The following C1orf185 variants were observed in gnomAD, a reference collection of about 807,000 sequenced individuals.
The protein encoded by C1orf185 is chromosome 1 open reading frame 185, also known as uncharacterized protein C1orf185.
In C1orf185, 13 loss-of-function variants were observed where a neutral mutation model predicts 16.1. That is an observed-to-expected ratio of 0.81 (90% confidence interval 0.53 to 1.28). The LOEUF (loss-of-function observed/expected upper bound fraction) is 1.28, where lower values mean the gene tolerates loss of function less well. Ranked by LOEUF, C1orf185 falls within the 50% of genes most tolerant of loss-of-function variation. The probability of loss-of-function intolerance (pLI) is 0.00; values close to 1 mark genes in which losing one functional copy is unlikely to be tolerated. For missense variants in C1orf185, 220 were observed against 225.2 expected (o/e 0.98, Z 0.15); for synonymous variants, 80 against 76.9 (o/e 1.04, Z -0.21).
chr1:51,122,558 A>G (rs1418957085), intron 3 of C1orf185, among the ~76,000 whole-genome samples: 2 of 152,180 alleles, frequency 1.3e-5, no homozygotes, highest in Non-Finnish European at 2.9e-5. Context: ...TACACCAGAG[A>G]GGTGCATATG....
In C1orf185 at chr1:51,147,865, T is replaced by A; in HGVS notation, c.*94T>A. On this transcript the variant is annotated 3_prime_UTR_variant, in exon 5 of 5. Coordinates refer to ENST00000371759, the MANE Select transcript of C1orf185 (RefSeq NM_001136508.2). ...TTCAACATAATACTGAATGACTTTT[T>A]TCTTTTGAAACCTTGTATACAATCA... The A allele has an allele frequency of 8.5e-7, 1 of 1,170,578 alleles. No homozygotes were observed. Among genetic ancestry groups the A allele is most frequent in the Non-Finnish European group, 1.2e-6 (1 of 865,560 alleles). 72.5% of individuals were successfully genotyped at this position (1,170,578 alleles called of 1,614,324 possible).
At chr1:51,123,605 G>A (rs1038871051) in intron 3 of C1orf185, among the ~76,000 whole-genome samples, 1 of 152,158 alleles carries the variant, frequency 6.6e-6, no homozygotes, top group Non-Finnish European at 1.5e-5. Context: ...TTCTTCCAAA[G>A]TATATCACTC....
chr1:51,111,575 A>T (rs921121707), intron 1 of C1orf185, among the ~76,000 whole-genome samples: 10 of 151,924 alleles, frequency 6.6e-5, no homozygotes, highest in South Asian at 4.2e-4. Context: ...GCTCGAGTGC[A>T]GTGGTGCTAT....
At chr1:51,112,766 G>C (rs1049492784) in intron 2 of C1orf185, among the ~76,000 whole-genome samples, 197 bp downstream of exon 2, 2 of 151,642 alleles carry the variant, frequency 1.3e-5, no homozygotes, top group African/African-American at 4.8e-5. Context: ...CTGGTGATAG[G>C]AATGTTCATG....
chr1:51,150,140 T>G (rs908036850), downstream of C1orf185, among the ~76,000 whole-genome samples: 1 of 152,094 alleles, frequency 6.6e-6, no homozygotes, highest in African/African-American at 2.4e-5. Flanking sequence ...ATAAATAGAT[T>G]TATGCATATA....
At chr1:51,117,461 T>A (rs981992452) in intron 2 of C1orf185, among the ~76,000 whole-genome samples, 1 of 152,164 alleles carries the variant, frequency 6.6e-6, no homozygotes, top group Non-Finnish European at 1.5e-5. Flanking sequence ...ACCATTATAG[T>A]ATCACACAGA....
At chr1:51,135,202 A>G (rs1646314557) in intron 3 of C1orf185, among the ~76,000 whole-genome samples, 1 of 152,200 alleles carries the variant, frequency 6.6e-6, no homozygotes, top group Non-Finnish European at 1.5e-5. Context: ...ACATACACAA[A>G]TCAATAAATG....
intron 1 of C1orf185, among the ~76,000 whole-genome samples, chr1:51,104,589 T>C (rs1048854039): frequency 9.9e-5 from 15 of 152,142 alleles, no homozygotes; most frequent in Admixed American, 6.5e-5. Flanking sequence ...ACTGTGGAAA[T>C]AGAAGTTGTA....
intron 1 of C1orf185, among the ~76,000 whole-genome samples, chr1:51,111,573 G>T (rs1447730364): frequency 6.6e-6 from 1 of 151,702 alleles, no homozygotes; most frequent in African/African-American, 2.4e-5. Context: ...AGGCTCGAGT[G>T]CAGTGGTGCT....
At chr1:51,119,271 T>A (rs1366817585) in intron 3 of C1orf185, among the ~76,000 whole-genome samples, 4 of 152,182 alleles carry the variant, frequency 2.6e-5, no homozygotes, top group African/African-American at 9.7e-5. Context: ...ATATGTGTAG[T>A]ACAAGTGAGA....
downstream of C1orf185, among the ~76,000 whole-genome samples, chr1:51,150,003 GCTTT>G (rs1253377015): frequency 6.6e-6 from 1 of 152,078 alleles, no homozygotes; most frequent in South Asian, 2.1e-4. Context: ...GTTGTTCTTG[GCTTT>G]GTTAAGGAAC....
At chr1:51,133,793 T>G (rs1260886878) in intron 3 of C1orf185, among the ~76,000 whole-genome samples, 3 of 152,192 alleles carry the variant, frequency 2.0e-5, no homozygotes, top group Non-Finnish European at 2.9e-5. Flanking sequence ...TAAAATCGAT[T>G]ACATAATCAG....
At chr1:51,126,979 G>GT (rs1646244986) in intron 3 of C1orf185, among the ~76,000 whole-genome samples, 1 of 149,192 alleles carries the variant, frequency 6.7e-6, no homozygotes, top group South Asian at 2.1e-4. Context: ...ATTGGGGTTT[G>GT]TTTATTTTTT....
intron 3 of C1orf185, among the ~76,000 whole-genome samples, chr1:51,139,579 C>T (rs1365877302): frequency 1.3e-5 from 2 of 152,232 alleles, no homozygotes; most frequent in African/African-American, 4.8e-5. Flanking sequence ...TGGATTTAAA[C>T]TGCCTTTGTA....
chr1:51,115,851 C>T (rs929063452), intron 2 of C1orf185, among the ~76,000 whole-genome samples: 2 of 152,072 alleles, frequency 1.3e-5, no homozygotes, highest in African/African-American at 4.8e-5. Flanking sequence ...GGAGTTGGAT[C>T]TGGGATAGGT....
intron 1 of C1orf185, among the ~76,000 whole-genome samples, chr1:51,111,380 T>C (rs1377166776): frequency 6.7e-6 from 1 of 149,118 alleles, no homozygotes; most frequent in East Asian, 1.9e-4. Context: ...CTTTCTTTTT[T>C]TTTTTTTTTG....
downstream of C1orf185, among the ~76,000 whole-genome samples, chr1:51,152,231 A>C (rs145675779): frequency 2.0e-4 from 30 of 152,338 alleles, no homozygotes; most frequent in East Asian, 5.8e-3. Flanking sequence ...AACTGGACAT[A>C]GGGCGGAGGA....
chr1:51,122,995 G>A (rs1006345692), intron 3 of C1orf185, among the ~76,000 whole-genome samples: 3 of 152,096 alleles, frequency 2.0e-5, no homozygotes, highest in Non-Finnish European at 2.9e-5. Context: ...TATTAAAAAC[G>A]AAATGTATTT....
chr1:51,131,043 C>T (rs931847105), intron 3 of C1orf185, among the ~76,000 whole-genome samples: 1 of 152,156 alleles, frequency 6.6e-6, no homozygotes, highest in Non-Finnish European at 1.5e-5. Flanking sequence ...GCTGGGATTA[C>T]AGGCATGCAC....
Sources: gnomAD v4.1 joint callset for allele counts (sites outside exome capture counted in the v4.1 genomes callset) on GRCh38, gnomAD v4.1.1 for gene constraint, MANE v1.5 for transcripts, NCBI Gene and HGNC (gene_info 2026-07-23, HGNC 2026-07-21) for gene names.